DCC: variants seen among roughly 807,000 people sequenced by gnomAD.
DCC encodes netrin receptor DCC.
A neutral mutation model predicts 172.5 loss-of-function variants in DCC; 58 were observed. The observed-to-expected ratio is 0.34, with a 90% CI of 0.27 to 0.42. DCC has a LOEUF of 0.42. Among genes scored for constraint, DCC ranks in the 10% least tolerant of loss-of-function variants. DCC has a pLI of 1.00. For synonymous variants in DCC, 709 were observed against 644.5 expected, an observed-to-expected ratio of 1.10 and a Z score of -1.52; for missense variants, 1,740 against 1,791.0, an observed-to-expected ratio of 0.97 and a Z score of 0.51.
Position 52,990,321 on chromosome 18 carries a change from A to G in DCC, c.985+64951A>G, listed in dbSNP as rs573501873. Among the ~76,000 whole-genome samples, 18 of 152,136 alleles carry G rather than the reference A, an allele frequency of 1.2e-4. No homozygotes were observed. In the East Asian group the frequency reaches 3.1e-3, roughly 26 times the overall value. On this transcript the variant is annotated intron_variant, in intron 5 of 28. Coordinates refer to ENST00000442544, the MANE Select transcript of DCC (RefSeq NM_005215.4). ...TTTGGGAGGCAGAGGCAGGCAGATC[A>G]CCTGAGGTCAGGAGTTTGAGATCAG...
chr18:52,437,964 C>A (rs1262117490), intron 1 of DCC, among the ~76,000 whole-genome samples: 1 of 152,186 alleles, frequency 6.6e-6, no homozygotes, highest in Non-Finnish European at 1.5e-5. Context: ...AAATTTTAAG[C>A]TTGACTATCC....
intron 1 of DCC, among the ~76,000 whole-genome samples, chr18:52,669,552 G>A (rs1215688537): frequency 2.0e-5 from 3 of 152,188 alleles, no homozygotes; most frequent in East Asian, 3.9e-4. Flanking sequence ...CTCTTTCACT[G>A]TATAAGTCAT....
chr18:52,713,009 T>A (rs1312296241), intron 1 of DCC, among the ~76,000 whole-genome samples: 1 of 152,206 alleles, frequency 6.6e-6, no homozygotes, highest in Non-Finnish European at 1.5e-5. Flanking sequence ...TCCATCTTTT[T>A]TACTTTTGAA....
intron 5 of DCC, among the ~76,000 whole-genome samples, chr18:52,942,696 C>T (rs936650364): frequency 2.6e-5 from 4 of 152,142 alleles, no homozygotes; most frequent in African/African-American, 9.7e-5. Flanking sequence ...ATGGGGGAAC[C>T]TCCTCCATGA....
intron 1 of DCC, among the ~76,000 whole-genome samples, chr18:52,408,821 T>A (rs58094026): frequency 6.6e-6 from 1 of 152,130 alleles, no homozygotes; most frequent in East Asian, 1.9e-4. Flanking sequence ...ATTTGTAAAC[T>A]ATCTGTAAGG....
intron 15 of DCC, among the ~76,000 whole-genome samples, chr18:53,341,883 G>C (rs1306693786): frequency 6.6e-6 from 1 of 151,986 alleles, no homozygotes; most frequent in African/African-American, 2.4e-5. Flanking sequence ...GTAACTTTTT[G>C]AGAAGGTATT....
At chr18:52,446,078 G>C (rs550131050) in intron 1 of DCC, among the ~76,000 whole-genome samples, 18 of 152,062 alleles carry the variant, frequency 1.2e-4, no homozygotes, top group Admixed American at 1.2e-3. Context: ...GACTACAGGC[G>C]CCCGCCACCG....
chr18:52,855,957 G>A (rs191293291), intron 2 of DCC, among the ~76,000 whole-genome samples: 42 of 151,866 alleles, frequency 2.8e-4, no homozygotes, highest in African/African-American at 9.6e-4. Flanking sequence ...TAGAGACGGG[G>A]TTTTGCCATG....
At chr18:52,359,473 G>A (rs1671623344) in intron 1 of DCC, among the ~76,000 whole-genome samples, 1 of 152,086 alleles carries the variant, frequency 6.6e-6, no homozygotes, top group African/African-American at 2.4e-5. Context: ...TCTGGTGATT[G>A]GCATGGTAAT....
chr18:52,738,410 A>G (rs2036761589), intron 1 of DCC, among the ~76,000 whole-genome samples: 1 of 152,180 alleles, frequency 6.6e-6, no homozygotes. Flanking sequence ...ACTAAATACT[A>G]TAGGCAGTTA....
chr18:52,635,815 C>A (rs1231341578), intron 1 of DCC, among the ~76,000 whole-genome samples: 3 of 128,754 alleles, frequency 2.3e-5, no homozygotes, highest in African/African-American at 7.9e-5. Context: ...TAGAATTAAA[C>A]TCCCCCCAAA....
intron 2 of DCC, among the ~76,000 whole-genome samples, chr18:52,874,278 A>G (rs1366896851): frequency 6.6e-6 from 1 of 152,210 alleles, no homozygotes; most frequent in Non-Finnish European, 1.5e-5. Context: ...GACAAAGAAG[A>G]ACTGTCTTTA....
intron 12 of DCC, among the ~76,000 whole-genome samples, chr18:53,270,274 A>G (rs891238409): frequency 1.3e-5 from 2 of 152,150 alleles, no homozygotes; most frequent in African/African-American, 4.8e-5. Context: ...TTGTTCAAAC[A>G]TAGGAGGGGA....
At chr18:52,923,680 A>T (rs1488807585) in intron 3 of DCC, 27 bp from the exon 4 acceptor site, 1 of 1,546,532 alleles carries the variant, frequency 6.5e-7, no homozygotes, top group Non-Finnish European at 8.9e-7. Flanking sequence ...TTCATATATC[A>T]TATGATACTG....
chr18:53,406,815 A>C (rs1457165575), intron 19 of DCC, among the ~76,000 whole-genome samples: 1 of 152,132 alleles, frequency 6.6e-6, no homozygotes, highest in Non-Finnish European at 1.5e-5. Context: ...TTATAAGGTA[A>C]GCTTCAATAA....
In DCC at chr18:53,281,394, G is replaced by A. The variant is rs117182729; in HGVS notation, c.1912-24184G>A. Among the ~76,000 whole-genome samples the A allele has an allele frequency of 7.7e-3, 1,172 of 152,078 alleles. 5 individuals carry two copies. Among genetic ancestry groups the A allele is most frequent in the Non-Finnish European group, 0.013 (871 of 67,962 alleles). On this transcript the variant is annotated intron_variant, in intron 12 of 28. Coordinates refer to ENST00000442544, the MANE Select transcript of DCC (RefSeq NM_005215.4). Reference sequence around the variant, plus strand: ...GACTATATAAGGTCAACACACACACGCACACAATATATTGCATGGCTGAGT... The same window carrying A: ...GACTATATAAGGTCAACACACACACACACACAATATATTGCATGGCTGAGT...
intron 9 of DCC, among the ~76,000 whole-genome samples, chr18:53,196,192 A>C (rs1486234871): frequency 2.6e-5 from 4 of 152,160 alleles, no homozygotes; most frequent in Non-Finnish European, 4.4e-5. Context: ...TTAAGTTTTT[A>C]TCTTCCGTTT....
chr18:53,081,885 A>G (rs1215751877), intron 7 of DCC, among the ~76,000 whole-genome samples: 1 of 152,020 alleles, frequency 6.6e-6, no homozygotes, highest in Non-Finnish European at 1.5e-5. Context: ...GAAACATGGA[A>G]ATTTGGGTGT....
chr18:53,498,965 G>A (rs941231052), intron 26 of DCC, among the ~76,000 whole-genome samples: 7 of 152,130 alleles, frequency 4.6e-5, no homozygotes, highest in Non-Finnish European at 8.8e-5. Context: ...TGCTACTTAT[G>A]AAAGGAGAAA....
Sources: allele counts gnomAD v4.1 joint callset (sites outside exome capture counted in the v4.1 genomes callset), GRCh38; gene constraint gnomAD v4.1.1; transcripts MANE v1.5; gene names NCBI Gene and HGNC (gene_info 2026-07-23, HGNC 2026-07-21).